The following PHIP variants were observed in gnomAD, a reference collection of about 807,000 sequenced individuals.
The protein encoded by PHIP is PH-interacting protein.
Under a neutral mutation model 236.8 loss-of-function variants are expected in PHIP, and 54 were observed. The ratio of observed to expected loss-of-function variants is 0.23; its 90% CI spans 0.18 to 0.29. PHIP has a LOEUF of 0.29. Ranked by LOEUF, PHIP falls within the 10% of genes least tolerant of loss-of-function variation. The pLI is 1.00. For synonymous variants in PHIP, 756 were observed against 718.9 expected, an observed-to-expected ratio of 1.05 and a Z score of -0.83; for missense variants, 1,370 against 2,190.8, an observed-to-expected ratio of 0.63 and a Z score of 7.48.
intron 6 of PHIP, among the ~76,000 whole-genome samples, chr6:79,048,713 T>C (rs535005681): frequency 1.2e-4 from 19 of 152,316 alleles, no homozygotes; most frequent in Admixed American, 5.9e-4. Context: ...CAATATAATA[T>C]GCTATATAAT....
intron 16 of PHIP, 137 bp downstream of exon 16, chr6:79,003,593 C>T: frequency 2.0e-6 from 1 of 510,966 alleles, no homozygotes; most frequent in East Asian, 3.4e-5. Flanking sequence ...ACTAAGTCTC[C>T]AGACTACTTA....
At chr6:78,970,297 A>G (rs1050729872) in intron 25 of PHIP, 124 bp from the exon 26 acceptor site, 15 of 729,796 alleles carry the variant, frequency 2.1e-5, no homozygotes, top group Non-Finnish European at 2.7e-5. Context: ...GACTGTGTAC[A>G]TGTAAAAATT....
intron 9 of PHIP, among the ~76,000 whole-genome samples, chr6:79,020,170 T>TA (rs1425777528): frequency 2.0e-4 from 31 of 151,266 alleles, no homozygotes; most frequent in African/African-American, 4.8e-4. Flanking sequence ...GCCTTTTTTT[T>TA]AAAAAAAAGC....
chr6:78,947,852 G>C, intron 35 of PHIP, 77 bp from the exon 36 acceptor site: 2 of 933,710 alleles, frequency 2.1e-6, no homozygotes, highest in Non-Finnish European at 3.3e-6. Flanking sequence ...ATTCGCACAG[G>C]ATTTTTATGA....
chr6:79,011,895 G>C (rs1175508347), intron 15 of PHIP, among the ~76,000 whole-genome samples: 3 of 151,174 alleles, frequency 2.0e-5, no homozygotes, highest in African/African-American at 7.3e-5. Flanking sequence ...GCTTGATACA[G>C]AAAAAAATTA....
At chr6:79,007,728 T>A (rs1770364043) in intron 15 of PHIP, among the ~76,000 whole-genome samples, 1 of 150,640 alleles carries the variant, frequency 6.6e-6, no homozygotes, top group African/African-American at 2.4e-5. Flanking sequence ...TACTCCAAAA[T>A]TTTAAATTAT....
intron 3 of PHIP, 78 bp downstream of exon 3, chr6:79,077,622 C>T (rs1209444483): frequency 2.2e-6 from 2 of 896,054 alleles, no homozygotes; most frequent in African/African-American, 1.8e-5. Flanking sequence ...CGCGCCCTGC[C>T]GGCGGCGGCA....
At chr6:79,015,522 G>T in intron 14 of PHIP, 108 bp downstream of exon 14, 1 of 834,778 alleles carries the variant, frequency 1.2e-6, no homozygotes, top group Non-Finnish European at 1.9e-6. Context: ...CGTTACCCCA[G>T]CAAGCAAGAG....
intron 15 of PHIP, among the ~76,000 whole-genome samples, chr6:79,006,480 A>G (rs1770298135): frequency 6.6e-6 from 1 of 152,060 alleles, no homozygotes; most frequent in South Asian, 2.1e-4. Flanking sequence ...AGAATTCTCA[A>G]AGACAAAATT....
At chr6:78,953,637 T>G (rs531472519) in intron 35 of PHIP, among the ~76,000 whole-genome samples, 16 of 152,344 alleles carry the variant, frequency 1.1e-4, no homozygotes, top group African/African-American at 3.8e-4. Flanking sequence ...ACATTTAACA[T>G]TCTATGTTTC....
intron 24 of PHIP, among the ~76,000 whole-genome samples, chr6:78,976,774 A>C (rs927867743): frequency 1.4e-5 from 2 of 146,402 alleles, no homozygotes; most frequent in South Asian, 4.5e-4. Flanking sequence ...CACATGAAAA[A>C]ATGCTCACCA....
chr6:79,019,183 T>C, intron 9 of PHIP, 24 bp from the exon 10 acceptor site: 1 of 1,545,732 alleles, frequency 6.5e-7, no homozygotes, highest in Non-Finnish European at 8.9e-7. Context: ...AATAAAGAAT[T>C]AAAAATATCC....
intron 21 of PHIP, among the ~76,000 whole-genome samples, chr6:78,987,740 C>T (rs889778849): frequency 2.2e-4 from 33 of 152,012 alleles, no homozygotes; most frequent in Non-Finnish European, 2.9e-4. Context: ...GAAATAATGA[C>T]GCATGAGGAA....
intron 4 of PHIP, among the ~76,000 whole-genome samples, chr6:79,076,328 T>C (rs1379098755): frequency 2.6e-5 from 4 of 152,192 alleles, no homozygotes; most frequent in African/African-American, 9.7e-5. Context: ...GTAACATTAG[T>C]AATCATAACT....
rs1201574043 is a variant in PHIP at position 78,970,846 on chromosome 6, C to A, written c.2932G>T (p.Ala978Ser). 6.2e-7 allele frequency: 1 copy of A among 1,611,018 alleles called. No individual in the cohort carries two copies. The highest frequency in any genetic ancestry group is 1.7e-5 in the Admixed American group (1 of 59,640). The change falls in exon 25 of 40, where the codon GCC (alanine) becomes TCC (serine). Residue 978 changes from alanine (A) to serine (S), a missense_variant. Ala to Ser is a moderately conservative substitution (Grantham distance 99). This residue lies in a region of PHIP where 238 missense variants were observed against 398.5 expected (regional missense o/e 0.60). Transcript: ENST00000275034. ...RQGHEAYVEM[A>S]RKNKIYSINP... ...ATACTATATATTTTATTTTTCCGGG[C>A]CATTTCGACATAGGCTTCATGTCCT...
chr6:79,034,932 A>G (rs1268906037), intron 7 of PHIP, among the ~76,000 whole-genome samples: 1 of 152,174 alleles, frequency 6.6e-6, no homozygotes, highest in Non-Finnish European at 1.5e-5. Flanking sequence ...CTAAGAAACA[A>G]CTTGTCCAAA....
At chr6:78,955,084 C>T in intron 34 of PHIP, 121 bp from the exon 35 acceptor site, 2 of 893,810 alleles carry the variant, frequency 2.2e-6, no homozygotes, top group Non-Finnish European at 3.3e-6. Context: ...AAAATATTCA[C>T]CAAGTTCTAA....
chr6:78,961,887 G>T lies in PHIP; in HGVS notation c.3536-77C>A, dbSNP rs894202377. On this transcript the variant is annotated intron_variant, in intron 30 of 39. Coordinates refer to ENST00000275034, the MANE Select transcript of PHIP (RefSeq NM_017934.7). Reference sequence around the variant, plus strand: ...TCAAGAAGAATTCTGCTTGAATTAAGACTTAAAAAGTCCTAATCTACATAA... The same window carrying T: ...TCAAGAAGAATTCTGCTTGAATTAATACTTAAAAAGTCCTAATCTACATAA... The T allele has an allele frequency of 5.3e-6, 6 of 1,139,204 alleles. No homozygotes were observed. In the African/African-American group the frequency reaches 9.5e-5, roughly 18 times the overall value. The allele number at this position is 1,139,204 out of a possible 1,614,324, so 70.6% of individuals were successfully genotyped here.
chr6:79,016,463 T>A, intron 13 of PHIP, 81 bp downstream of exon 13: 1 of 666,720 alleles, frequency 1.5e-6, no homozygotes. Flanking sequence ...TATAATTTTA[T>A]AGGCTGAGAG....
Sources: allele counts gnomAD v4.1 joint callset (sites outside exome capture counted in the v4.1 genomes callset), GRCh38; gene constraint gnomAD v4.1.1; regional missense constraint gnomAD v4.1.1; transcripts MANE v1.5; gene names NCBI Gene and HGNC (gene_info 2026-07-23, HGNC 2026-07-21).